The following TAFA1 variants were observed in gnomAD, a reference collection of about 807,000 sequenced individuals.
TAFA1 encodes the protein chemokine-like protein TAFA-1.
In TAFA1, 4 loss-of-function variants were observed where a neutral mutation model predicts 18.5. That is an observed-to-expected ratio of 0.22 (90% CI 0.11 to 0.49). TAFA1 has a LOEUF of 0.49. Ranked by LOEUF, TAFA1 falls within the 20% of genes least tolerant of loss-of-function variation. The probability of loss-of-function intolerance (pLI) is 0.98; values close to 1 mark genes in which losing one functional copy is unlikely to be tolerated. For synonymous variants in TAFA1, 56 were observed against 55.2 expected (o/e 1.01, Z -0.06); for missense variants, 147 against 169.0 (o/e 0.87, Z 0.72).
intron 2 of TAFA1, among the ~76,000 whole-genome samples, chr3:68,227,732 C>T (rs189084447): frequency 8.4e-4 from 128 of 152,282 alleles, no homozygotes; most frequent in African/African-American, 2.9e-3. Context: ...TATTAACTTT[C>T]TCTATACAGA....
chr3:68,222,617 A>G (rs917224811), intron 2 of TAFA1, among the ~76,000 whole-genome samples: 2 of 152,202 alleles, frequency 1.3e-5, no homozygotes, highest in Non-Finnish European at 2.9e-5. Flanking sequence ...ATGGAGGATC[A>G]TCAACCATAC....
At chr3:68,245,426 T>C (rs1314262032) in intron 2 of TAFA1, among the ~76,000 whole-genome samples, 8 of 152,220 alleles carry the variant, frequency 5.3e-5, no homozygotes. Flanking sequence ...TATTAACCTG[T>C]AGTAATGTTT....
intron 3 of TAFA1, among the ~76,000 whole-genome samples, chr3:68,478,750 G>A (rs73092849): frequency 0.25 from 37,429 of 151,624 alleles, 5,026 homozygotes; most frequent in East Asian, 0.47. Context: ...ATCAAAAAAT[G>A]TTATTTAAAT....
At chr3:68,240,432 A>C (rs2066981281) in intron 2 of TAFA1, among the ~76,000 whole-genome samples, 1 of 152,204 alleles carries the variant, frequency 6.6e-6, no homozygotes, top group Non-Finnish European at 1.5e-5. Context: ...ACTCCATAGG[A>C]GCACAAACGA....
chr3:68,064,030 A>C (rs1292388985), intron 2 of TAFA1, among the ~76,000 whole-genome samples: 1 of 152,182 alleles, frequency 6.6e-6, no homozygotes, highest in African/African-American at 2.4e-5. Flanking sequence ...GGAATCCTAC[A>C]TTACTCTGCA....
At chr3:68,145,519 G>A (rs1326298771) in intron 2 of TAFA1, 1 of 1,084,222 alleles carries the variant, frequency 9.2e-7, no homozygotes, top group Non-Finnish European at 1.4e-6. Flanking sequence ...CAGGGGCCCT[G>A]GATGTTTCCT....
intron 2 of TAFA1, among the ~76,000 whole-genome samples, chr3:68,301,246 A>G (rs2068298485): frequency 6.6e-6 from 1 of 152,126 alleles, no homozygotes; most frequent in African/African-American, 2.4e-5. Context: ...CAAAATTACC[A>G]TGTATTATAA....
At chr3:68,451,703 GACA>G (rs1305052938) in intron 3 of TAFA1, among the ~76,000 whole-genome samples, 1 of 152,170 alleles carries the variant, frequency 6.6e-6, no homozygotes, top group East Asian at 1.9e-4. Context: ...TGGACAGAAA[GACA>G]ACAAGACCAA....
chr3:68,059,242 T>A (rs764743988), intron 2 of TAFA1, among the ~76,000 whole-genome samples: 1 of 151,998 alleles, frequency 6.6e-6, no homozygotes, highest in Non-Finnish European at 1.5e-5. Flanking sequence ...GGCACAGCAC[T>A]AATCACACAC....
chr3:68,207,113 T>C (rs1048838881), intron 2 of TAFA1, among the ~76,000 whole-genome samples: 1 of 151,924 alleles, frequency 6.6e-6, no homozygotes, highest in African/African-American at 2.4e-5. Flanking sequence ...TATTATCAAA[T>C]TGAATGATGA....
chr3:68,115,138 C>A (rs2065309722), intron 2 of TAFA1, among the ~76,000 whole-genome samples: 1 of 152,164 alleles, frequency 6.6e-6, no homozygotes, highest in African/African-American at 2.4e-5. Flanking sequence ...CAGCCAGGAG[C>A]CTTCTGGAAC....
chr3:68,292,321 C>T (rs978852855), intron 2 of TAFA1, among the ~76,000 whole-genome samples: 1 of 151,234 alleles, frequency 6.6e-6, no homozygotes, highest in Non-Finnish European at 1.5e-5. Flanking sequence ...ACCATACGTA[C>T]TCCCATTGCT....
At chr3:68,342,511 A>G (rs2069101721) in intron 2 of TAFA1, among the ~76,000 whole-genome samples, 1 of 152,220 alleles carries the variant, frequency 6.6e-6, no homozygotes, top group Admixed American at 6.5e-5. Flanking sequence ...TCCTGCAGAA[A>G]ATAAGATTTT....
At chr3:68,091,122 TA>T (rs1315607823) in intron 2 of TAFA1, among the ~76,000 whole-genome samples, 2 of 152,176 alleles carry the variant, frequency 1.3e-5, no homozygotes. Flanking sequence ...CTGAAAGATT[TA>T]CCCTATAAAA....
chr3:68,002,232 GA>G (rs1382374335), upstream of TAFA1, among the ~76,000 whole-genome samples: 6 of 152,204 alleles, frequency 3.9e-5, no homozygotes, highest in South Asian at 2.1e-4. Context: ...GTATTTGGAA[GA>G]AAAAAATAGA....
At chr3:68,536,475 G>T (rs938986293) in intron 3 of TAFA1, among the ~76,000 whole-genome samples, 3 of 152,128 alleles carry the variant, frequency 2.0e-5, no homozygotes, top group Non-Finnish European at 2.9e-5. Context: ...AAGAACGAGG[G>T]TTCTCGTCCC....
chr3:68,058,969 G>A (rs1397321331), intron 2 of TAFA1, among the ~76,000 whole-genome samples: 1 of 152,080 alleles, frequency 6.6e-6, no homozygotes, highest in Non-Finnish European at 1.5e-5. Context: ...CCAAATTGTG[G>A]AGATATTTGC....
At chr3:68,486,443 C>T (rs2072341463) in intron 3 of TAFA1, among the ~76,000 whole-genome samples, 2 of 152,182 alleles carry the variant, frequency 1.3e-5, no homozygotes, top group Non-Finnish European at 2.9e-5. Context: ...AGCACCTGAT[C>T]TGTACCATGC....
chr3:68,309,435 C>A (rs779392280), intron 2 of TAFA1, among the ~76,000 whole-genome samples: 2 of 152,146 alleles, frequency 1.3e-5, no homozygotes, highest in East Asian at 3.9e-4. Flanking sequence ...CTAACACGAA[C>A]TTTGTACCAC....
Sources: allele counts gnomAD v4.1 joint callset (sites outside exome capture counted in the v4.1 genomes callset), GRCh38; gene constraint gnomAD v4.1.1; transcripts MANE v1.5; gene names NCBI Gene and HGNC (gene_info 2026-07-23, HGNC 2026-07-21).